DHX58: variants seen among roughly 807,000 people sequenced by gnomAD.
DHX58 encodes the protein DExH-box helicase 58.
DHX58 carries 51 observed loss-of-function variants against 65.0 expected under a neutral mutation model. The ratio of observed to expected loss-of-function variants is 0.78; its 90% CI spans 0.63 to 0.99. The LOEUF is 0.99. DHX58 is among the 50% of genes least tolerant of loss of function. The pLI is 0.00. For synonymous variants in DHX58, 350 were observed against 365.0 expected, an observed-to-expected ratio of 0.96 and a Z score of 0.47; for missense variants, 773 against 891.8, an observed-to-expected ratio of 0.87 and a Z score of 1.70.
At position 42,103,729 on chromosome 17, in the gene DHX58, G is replaced by GCCGCTGGTTCTC; in HGVS notation, c.1621_1632dup (p.Glu541_Arg544dup). 1 of 1,613,446 alleles carries GCCGCTGGTTCTC rather than the reference G, an allele frequency of 6.2e-7. No individual in the cohort carries two copies. The highest frequency in any genetic ancestry group is 1.3e-5 in the African/African-American group (1 of 75,038). On this transcript the variant is annotated inframe_insertion, in exon 12 of 14. Coordinates refer to ENST00000251642, the MANE Select transcript of DHX58 (RefSeq NM_024119.3). ...TGCACGTGCTCCACTGGGAACTGCTGCCGCTGGTTCTCCCGCTGGGCTGCC... is the reference window on the plus strand; with the variant it reads ...TGCACGTGCTCCACTGGGAACTGCTGCCGCTGGTTCTCCCGCTGGTTCTCCCGCTGGGCTGCC...
At position 42,101,865 on chromosome 17, in the gene DHX58, C is replaced by T; in HGVS notation, c.1933G>A (p.Gly645Arg). Reference protein sequence around the residue: ...VRSMLLETPQGRIQAKKWSRV... With the variant: ...VRSMLLETPQRRIQAKKWSRV... ...GACCACTTTTTGGCCTGGATCCGCC[C>T]CTGAGGGGTCTCCAGCAGCATGCTG... Residue 645 changes from glycine to arginine, a missense_variant, in exon 14 of 14, where the codon GGG (glycine) becomes AGG (arginine). Transcript: ENST00000251642. 6.2e-7 allele frequency: 1 copy of T among 1,614,228 alleles called. No individual in the cohort carries two copies. Among genetic ancestry groups the T allele is most frequent in the Non-Finnish European group, 8.5e-7 (1 of 1,180,038 alleles).
chr17:42,105,205 C>A, intron 9 of DHX58, 38 bp from the exon 10 acceptor site: 1 of 1,568,462 alleles, frequency 6.4e-7, no homozygotes, highest in Non-Finnish European at 8.6e-7. Context: ...GAGGCTGGTA[C>A]ATGAGGAGGC....
chr17:42,112,412 A>G, intron 1 of DHX58, 193 bp downstream of exon 1: 1 of 285,642 alleles, frequency 3.5e-6, no homozygotes, highest in Non-Finnish European at 6.1e-6. Flanking sequence ...TGGGAATGGC[A>G]GGGGACTCAG....
At chr17:42,105,506 T>A (rs1319533947) in intron 9 of DHX58, among the ~76,000 whole-genome samples, 4 of 151,976 alleles carry the variant, frequency 2.6e-5, no homozygotes, top group African/African-American at 9.7e-5. Flanking sequence ...CGGACCCCCA[T>A]GCCCAACCTT....
intron 12 of DHX58, among the ~76,000 whole-genome samples, chr17:42,102,997 A>G (rs1268199953): frequency 6.6e-6 from 1 of 152,130 alleles, no homozygotes; most frequent in Non-Finnish European, 1.5e-5. Context: ...TATGTTGGCC[A>G]GACTGGTCTT....
chr17:42,109,346 T>G lies in DHX58; in HGVS notation c.602A>C (p.Gln201Pro). 1 of 1,613,730 alleles carries G rather than the reference T, an allele frequency of 6.2e-7. No homozygotes were observed. The highest frequency in any genetic ancestry group is 8.5e-7 in the Non-Finnish European group (1 of 1,179,836). ...NLDTWCIMSP[Q>P]NCCPQLQEHS... ...CTCCTGCAGCTGGGGGCAGCAGTTC[T>G]GGGGTGACATGATGCACCACGTGTC... Residue 201 changes from glutamine to proline, a missense_variant, in exon 6 of 14, where the codon CAG becomes CCG. Coordinates refer to ENST00000251642, the MANE Select transcript of DHX58 (RefSeq NM_024119.3).
chr17:42,107,083 C>T (rs782656894), intron 8 of DHX58, among the ~76,000 whole-genome samples: 6 of 151,966 alleles, frequency 3.9e-5, no homozygotes, highest in Admixed American at 6.6e-5. Flanking sequence ...AAATCTGGGC[C>T]GGGCACAGTG....
intron 3 of DHX58, 49 bp downstream of exon 3, chr17:42,111,676 T>A (rs782802720): frequency 1.9e-6 from 3 of 1,581,778 alleles, no homozygotes; most frequent in Non-Finnish European, 1.7e-6. Context: ...CCTGAAGAGC[T>A]AAGACCCTGC....
chr17:42,111,474 A>G lies in DHX58; in HGVS notation c.192T>C (p.Gly64=), dbSNP rs2054153474. 6.2e-7 allele frequency: 1 copy of G among 1,613,896 alleles called. No homozygotes were observed. The highest frequency in any genetic ancestry group is 1.3e-5 in the African/African-American group (1 of 74,914). The part of the protein sequence containing the change: ...VNRVHLVTQH[G]EEFRRMLDGR... ...CATCCAGCATGCGCCTGAACTCTTC[A>G]CCATGCTGGGTCACCAGGTGCACCT... is the stretch of plus-strand genomic sequence containing the variant. The change falls in exon 4 of 14, where the codon GGT becomes GGC. Residue 64 remains glycine, a synonymous_variant. Coordinates refer to ENST00000251642, the MANE Select transcript of DHX58 (RefSeq NM_024119.3).
intron 12 of DHX58, 87 bp downstream of exon 12, chr17:42,103,521 T>C: frequency 1.3e-6 from 2 of 1,506,664 alleles, no homozygotes; most frequent in Non-Finnish European, 1.8e-6. Flanking sequence ...GCTACAATGC[T>C]CTTTAGCTTC....
intron 5 of DHX58, among the ~76,000 whole-genome samples, chr17:42,109,892 A>G (rs557982974): frequency 3.4e-5 from 5 of 146,890 alleles, no homozygotes; most frequent in African/African-American, 1.3e-4. Context: ...CTCCGTCTCA[A>G]AAAAAAAAAA....
chr17:42,105,710 C>A lies in DHX58; in HGVS notation c.1251+26G>T, dbSNP rs368938121. 3.3e-6 allele frequency: 5 copies of A among 1,530,726 alleles called. No homozygotes were observed. In the African/African-American group the frequency reaches 6.9e-5, roughly 21 times the overall value. 94.8% of individuals were successfully genotyped at this position (1,530,726 alleles called of 1,614,324 possible). A position where few individuals can be genotyped will look rare whatever the true frequency, so the allele number is the denominator to read the frequency against. On this transcript the variant is annotated intron_variant, in intron 9 of 13. Coordinates refer to ENST00000251642, the MANE Select transcript of DHX58 (RefSeq NM_024119.3). ...CTCTCCTATGGAATCCCTCCCAGCG[C>A]CAGCATCTTTCCCCGAAGCCCACAC...
intron 6 of DHX58, among the ~76,000 whole-genome samples, chr17:42,108,799 T>G (rs1416300562): frequency 1.3e-5 from 2 of 152,236 alleles, no homozygotes; most frequent in Non-Finnish European, 2.9e-5. Flanking sequence ...AAACTACATT[T>G]CACCTGCCTA....
Position 42,105,031 on chromosome 17 carries a change from A to T in DHX58, c.1388T>A (p.Ile463Asn). 6.2e-7 allele frequency: 1 copy of T among 1,613,100 alleles called. No individual in the cohort carries two copies. Among genetic ancestry groups the T allele is most frequent in the Non-Finnish European group, 8.5e-7 (1 of 1,179,752 alleles). Residue 463 changes from isoleucine to asparagine, a missense_variant, in exon 10 of 14, where the codon ATC becomes AAC. Transcript: ENST00000251642. ...GGATGTGAGTACCTGGACCATGGAG[A>T]TTTCATTGGTCAAGAGCCCATAACG... ...VVRYGLLTNE[I>N]SMVQARGRAR...
rs1555661923 is a variant in DHX58, at chr17:42,103,593, T to C, written c.1754+15A>G. ...CCCAGGCCCCCATCCCAGTAGCCCC[T>C]TCCACAGGTCTCACGAGAAGTTGGG... On this transcript the variant is annotated intron_variant, in intron 12 of 13. Transcript: ENST00000251642. 1.2e-6 allele frequency: 2 copies of C among 1,613,742 alleles called. No homozygotes were observed.
intron 5 of DHX58, 74 bp downstream of exon 5, chr17:42,110,649 T>C: frequency 6.7e-7 from 1 of 1,488,510 alleles, no homozygotes; most frequent in East Asian, 2.4e-5. Flanking sequence ...GACGGGGTAG[T>C]GGCAGGGCAG....
At chr17:42,111,955 C>T (rs1280426789) in intron 2 of DHX58, 62 bp from the exon 3 acceptor site, 1 of 1,551,362 alleles carries the variant, frequency 6.4e-7, no homozygotes, top group African/African-American at 1.4e-5. Flanking sequence ...CCTGGCCAGA[C>T]CAGTCAGTAC....
chr17:42,103,662 C>G lies in DHX58; in HGVS notation c.1700G>C (p.Ser567Thr). The G allele has an allele frequency of 6.2e-7, 1 of 1,614,068 alleles. No individual in the cohort carries two copies. The highest frequency in any genetic ancestry group is 8.5e-7 in the Non-Finnish European group (1 of 1,180,042). ...INCMVAVGHG[S>T]DLRKVEGTHH... ...GGTGCCCTCCACCTTCCGCAGGTCG[C>G]TGCCATGGCCCACAGCCACCATGCA... Residue 567 changes from serine (S) to threonine (T), a missense_variant, in exon 12 of 14, where the codon AGC (serine) becomes ACC (threonine). Physicochemically the swap from Ser to Thr is moderately conservative, Grantham distance 58. Coordinates refer to ENST00000251642, the MANE Select transcript of DHX58 (RefSeq NM_024119.3).
intron 7 of DHX58, 61 bp from the exon 8 acceptor site, chr17:42,107,856 A>G: frequency 6.5e-7 from 1 of 1,539,964 alleles, no homozygotes; most frequent in Non-Finnish European, 8.8e-7. Flanking sequence ...CCTGCCCCAT[A>G]GGGCCGTCCC....
Sources: allele counts gnomAD v4.1 joint callset (sites outside exome capture counted in the v4.1 genomes callset), GRCh38; gene constraint gnomAD v4.1.1; transcripts MANE v1.5; gene names NCBI Gene and HGNC (gene_info 2026-07-23, HGNC 2026-07-21).